Variants in MAP3K20 observed in about 807,000 individuals in gnomAD.
MAP3K20 encodes the protein mitogen-activated protein kinase kinase kinase 20, also known as HCCS-4.
MAP3K20 carries 40 observed loss-of-function variants against 85.7 expected under a neutral mutation model. That is an observed-to-expected ratio of 0.47 (90% CI 0.36 to 0.61). The LOEUF (loss-of-function observed/expected upper bound fraction) is 0.61. MAP3K20 is among the 20% of genes least tolerant of loss of function. The probability of loss-of-function intolerance (pLI) is 0.00; values close to 1 mark genes in which losing one functional copy is unlikely to be tolerated. For missense variants in MAP3K20, 817 were observed against 961.7 expected, an observed-to-expected ratio of 0.85 and a Z score of 1.99; for synonymous variants, 325 against 327.7, an observed-to-expected ratio of 0.99 and a Z score of 0.09.
Position 173,166,839 on chromosome 2 carries a change from C to T in MAP3K20, c.160-2966C>T, listed in dbSNP as rs1689837973. 4 of 151,170 alleles carry T rather than the reference C, an allele frequency of 2.6e-5. No homozygotes were observed. The South Asian group carries it at 8.3e-4, about 32-fold the overall frequency. The allele number at this position is 151,170 out of a possible 1,614,324, so 9.4% of individuals were successfully genotyped here. On this transcript the variant is annotated intron_variant, in intron 2 of 19. Coordinates refer to ENST00000375213, the MANE Select transcript of MAP3K20 (RefSeq NM_016653.3). The stretch of plus-strand genomic sequence containing the variant: ...TGCTAGATTATCCCAGAATATAAAT[C>T]TGGAAAACAAAGGAAAAACAGCAAT...
chr2:173,130,701 G>A (rs1022328758), intron 2 of MAP3K20, among the ~76,000 whole-genome samples: 2 of 152,190 alleles, frequency 1.3e-5, no homozygotes, highest in Non-Finnish European at 2.9e-5. Context: ...AGTCTGGGAC[G>A]GTGCTGAGCA....
intron 11 of MAP3K20, chr2:173,221,925 C>A (rs1684262680): frequency 1.0e-6 from 1 of 988,440 alleles, no homozygotes; most frequent in Non-Finnish European, 1.2e-6. Context: ...ACTCTTAACT[C>A]CTAATTGTTC....
chr2:173,163,822 T>A (rs1689734534), intron 2 of MAP3K20, among the ~76,000 whole-genome samples: 1 of 152,246 alleles, frequency 6.6e-6, no homozygotes, highest in Non-Finnish European at 1.5e-5. Flanking sequence ...AATTGCTGGA[T>A]TGAATGCTAG....
At chr2:173,163,608 G>A (rs542504944) in intron 2 of MAP3K20, among the ~76,000 whole-genome samples, 1 of 152,218 alleles carries the variant, frequency 6.6e-6, no homozygotes, top group Non-Finnish European at 1.5e-5. Flanking sequence ...TGGCTGCATA[G>A]TATTCCATGG....
intron 7 of MAP3K20, among the ~76,000 whole-genome samples, chr2:173,194,724 A>G (rs1165146770): frequency 1.3e-5 from 2 of 151,846 alleles, no homozygotes. Flanking sequence ...CCCTCTACAC[A>G]CAGCAGTCAC....
intron 9 of MAP3K20, among the ~76,000 whole-genome samples, chr2:173,206,003 A>G (rs1367503091): frequency 6.6e-6 from 1 of 152,100 alleles, no homozygotes; most frequent in African/African-American, 2.4e-5. Flanking sequence ...GTATCATACT[A>G]CCCCTTCCCT....
chr2:173,232,157 A>G, intron 12 of MAP3K20, 35 bp from the exon 13 acceptor site: 1 of 1,614,114 alleles, frequency 6.2e-7, no homozygotes, highest in Non-Finnish European at 8.5e-7. Flanking sequence ...ACCATGTGTG[A>G]ATCTTCAAAA....
intron 2 of MAP3K20, among the ~76,000 whole-genome samples, chr2:173,105,592 A>G (rs1188764104): frequency 2.6e-5 from 4 of 152,212 alleles, no homozygotes; most frequent in South Asian, 2.1e-4. Context: ...AAGGAATACA[A>G]TTCTGATCCA....
intron 2 of MAP3K20, among the ~76,000 whole-genome samples, chr2:173,127,466 T>C (rs1339468171): frequency 6.6e-6 from 1 of 152,144 alleles, no homozygotes; most frequent in Non-Finnish European, 1.5e-5. Flanking sequence ...AAATTTAAGA[T>C]CCCAGCTTAC....
intron 11 of MAP3K20, chr2:173,222,152 G>A: frequency 1.1e-6 from 1 of 937,186 alleles, no homozygotes; most frequent in Non-Finnish European, 1.3e-6. Context: ...GCTGCAGTGA[G>A]CCATGATGGC....
intron 9 of MAP3K20, among the ~76,000 whole-genome samples, chr2:173,205,918 C>A (rs1035879356): frequency 6.6e-6 from 1 of 152,126 alleles, no homozygotes; most frequent in Non-Finnish European, 1.5e-5. Flanking sequence ...CTACACTTTG[C>A]AACTAGTTCA....
intron 1 of MAP3K20, among the ~76,000 whole-genome samples, chr2:173,083,324 T>G (rs1573996706): frequency 6.6e-6 from 1 of 152,200 alleles, no homozygotes; most frequent in East Asian, 1.9e-4. Context: ...GTTCTGTTCC[T>G]ATACCTAGTC....
chr2:173,127,585 A>G (rs1263439311), intron 2 of MAP3K20, among the ~76,000 whole-genome samples: 1 of 152,250 alleles, frequency 6.6e-6, no homozygotes, highest in African/African-American at 2.4e-5. Context: ...TACAGTAAAT[A>G]AACCGAACCT....
intron 16 of MAP3K20, among the ~76,000 whole-genome samples, chr2:173,245,592 C>T (rs1024362837): frequency 6.6e-6 from 1 of 152,172 alleles, no homozygotes; most frequent in Non-Finnish European, 1.5e-5. Flanking sequence ...CAGGTTTTAC[C>T]CCCATTTACT....
At chr2:173,174,163 T>C (rs746212888) in intron 3 of MAP3K20, among the ~76,000 whole-genome samples, 1 of 152,202 alleles carries the variant, frequency 6.6e-6, no homozygotes, top group African/African-American at 2.4e-5. Context: ...AATATTGCCT[T>C]TCTTGCAACT....
At chr2:173,233,558 TC>T (rs1274479261) in intron 14 of MAP3K20, among the ~76,000 whole-genome samples, 7 of 152,074 alleles carry the variant, frequency 4.6e-5, no homozygotes, top group Non-Finnish European at 8.8e-5. Context: ...TCAGGTTTGC[TC>T]CCCAAACCCA....
chr2:173,254,223 G>A (rs1161914042), intron 16 of MAP3K20, among the ~76,000 whole-genome samples: 1 of 151,522 alleles, frequency 6.6e-6, no homozygotes, highest in African/African-American at 2.4e-5. Flanking sequence ...AGACCATCCT[G>A]GCTAACATGG....
chr2:173,148,256 C>T (rs1296609922), intron 2 of MAP3K20, among the ~76,000 whole-genome samples: 3 of 152,148 alleles, frequency 2.0e-5, no homozygotes, highest in Admixed American at 6.5e-5. Flanking sequence ...CAAACATACC[C>T]TTAAGTGGAC....
At chr2:173,096,513 G>C (rs1287552313) in intron 2 of MAP3K20, among the ~76,000 whole-genome samples, 1 of 151,968 alleles carries the variant, frequency 6.6e-6, no homozygotes, top group Non-Finnish European at 1.5e-5. Context: ...GTAATTTTTT[G>C]TAGTTTAGTA....
Sources: gnomAD v4.1 joint callset for allele counts (sites outside exome capture counted in the v4.1 genomes callset) on GRCh38, gnomAD v4.1.1 for gene constraint, MANE v1.5 for transcripts, NCBI Gene and HGNC (gene_info 2026-07-23, HGNC 2026-07-21) for gene names.